FANCE: variants seen among roughly 807,000 people sequenced by gnomAD.
FANCE encodes the protein FA complementation group E.
Under a neutral mutation model 57.8 loss-of-function variants are expected in FANCE, and 42 were observed. The ratio of observed to expected loss-of-function variants is 0.73; its 90% CI spans 0.57 to 0.94. The LOEUF is 0.94. FANCE is among the 40% of genes least tolerant of loss of function. The pLI is 0.00. For missense variants in FANCE, 608 were observed against 661.8 expected, an observed-to-expected ratio of 0.92 and a Z score of 0.89; for synonymous variants, 251 against 286.4, an observed-to-expected ratio of 0.88 and a Z score of 1.25.
chr6:35,466,888 C>T lies in FANCE; in HGVS notation c.*543C>T, dbSNP rs948957380. On this transcript the variant is annotated 3_prime_UTR_variant, in exon 10 of 10. Coordinates refer to ENST00000229769, the MANE Select transcript of FANCE (RefSeq NM_021922.3). ...TTCCAAAGGCTGCTGGCCCCAGGCA[C>T]ACTCCTCATCAATTCTCAGGCTGCA... is the stretch of plus-strand genomic sequence containing the variant. 1.7e-5 allele frequency: 4 copies of T among 237,584 alleles called. No individual in the cohort carries two copies. The East Asian group carries it at 1.9e-4, about 12-fold the overall frequency. The allele number at this position is 237,584 out of a possible 1,614,324, so 14.7% of individuals were successfully genotyped here.
chr6:35,453,233 A>T (rs956212301), intron 1 of FANCE, among the ~76,000 whole-genome samples: 6 of 152,138 alleles, frequency 3.9e-5, no homozygotes, highest in African/African-American at 1.4e-4. Flanking sequence ...TTAAGGCAAG[A>T]TTGCTTTCTC....
At chr6:35,454,166 A>G (rs1173334826) in intron 1 of FANCE, among the ~76,000 whole-genome samples, 2 of 151,970 alleles carry the variant, frequency 1.3e-5, no homozygotes, top group Non-Finnish European at 1.5e-5. Context: ...AGAAGAAGCA[A>G]TTCTTCTGCC....
rs139600847 is a variant in FANCE, at chr6:35,457,944, C to A, written c.929C>A (p.Pro310Gln). Reference sequence around the variant, plus strand: ...TTAGAGGGATTGGAGGATGCCCCCCCAGTTGAGCTACAGCTTCTTCACGAA... The same window carrying A: ...TTAGAGGGATTGGAGGATGCCCCCCAAGTTGAGCTACAGCTTCTTCACGAA... ...EGLEGLEDAP[P>Q]VELQLLHECS... is the part of the protein sequence containing the mutation. Residue 310 changes from proline (P) to glutamine (Q), a missense_variant, in exon 4 of 10, where the codon CCA (proline) becomes CAA (glutamine). Physicochemically the swap from Pro to Gln is moderately conservative, Grantham distance 76. Coordinates refer to ENST00000229769, the MANE Select transcript of FANCE (RefSeq NM_021922.3). 1.7e-4 allele frequency: 267 copies of A among 1,614,184 alleles called. No homozygotes were observed. Among genetic ancestry groups the A allele is most frequent in the Middle Eastern group, 8.2e-4 (5 of 6,062 alleles).
In FANCE at chr6:35,466,604, A is replaced by G; in HGVS notation, c.*259A>G. 8.3e-6 allele frequency: 4 copies of G among 483,818 alleles called. No individual in the cohort carries two copies. The highest frequency in any genetic ancestry group is 4.1e-5 in the South Asian group (2 of 48,426). The allele number at this position is 483,818 out of a possible 1,614,324, so 30.0% of individuals were successfully genotyped here. On this transcript the variant is annotated 3_prime_UTR_variant, in exon 10 of 10. Transcript: ENST00000229769. ...TTTTGAGAGAAGGTATTGCTCTGTC[A>G]TCCAGGCTGGAGTGCAGTGATGCGA...
At chr6:35,458,511 G>T in intron 5 of FANCE, 71 bp downstream of exon 5, 1 of 1,571,506 alleles carries the variant, frequency 6.4e-7, no homozygotes. Context: ...CAGAAGGGTG[G>T]TACTTGAGAG....
At chr6:35,457,872 C>T in intron 3 of FANCE, 44 bp from the exon 4 acceptor site, 1 of 1,557,262 alleles carries the variant, frequency 6.4e-7, no homozygotes, top group Non-Finnish European at 8.9e-7. Flanking sequence ...AGTGACTTGT[C>T]ACTGAGGGCT....
Position 35,457,561 on chromosome 6 carries a change from G to A in FANCE, c.861G>A (p.Gln287=), listed in dbSNP as rs772248459. 38 of 1,613,740 alleles carry A rather than the reference G, an allele frequency of 2.4e-5. No individual in the cohort carries two copies. Among genetic ancestry groups the A allele is most frequent in the African/African-American group, 2.3e-4 (17 of 74,924 alleles). Residue 287 remains glutamine (Q), a synonymous_variant, in exon 3 of 10, where the codon CAG becomes CAA. Coordinates refer to ENST00000229769, the MANE Select transcript of FANCE (RefSeq NM_021922.3). ...SLELPKAIQD[Q]LPRLQQLLKT... The stretch of plus-strand genomic sequence containing the variant: ...GACTGGGCTCTCCTCCACAGGACCA[G>A]CTTCCCAGGCTGCAGCAGCTGCTGA...
In FANCE at chr6:35,461,176, G is replaced by A. The variant is rs45478097; in HGVS notation, c.1383+558G>A. Among the ~76,000 whole-genome samples, 349 of 152,254 alleles carry A rather than the reference G, an allele frequency of 2.3e-3. 3 individuals carry two copies. Among genetic ancestry groups the A allele is most frequent in the African/African-American group, 7.9e-3 (328 of 41,540 alleles). On this transcript the variant is annotated intron_variant, in intron 8 of 9. Coordinates refer to ENST00000229769, the MANE Select transcript of FANCE (RefSeq NM_021922.3). ...CACCCAAGTAACTGGGATTACAGGCGTGCGCCACCACACCGGCTAATTTTT... is the reference window on the plus strand; with the variant it reads ...CACCCAAGTAACTGGGATTACAGGCATGCGCCACCACACCGGCTAATTTTT...
At chr6:35,454,072 GT>G (rs60976228) in intron 1 of FANCE, among the ~76,000 whole-genome samples, 26 of 145,132 alleles carry the variant, frequency 1.8e-4, no homozygotes, top group South Asian at 4.3e-4. Flanking sequence ...TGTTTGTTTT[GT>G]TTTTTTTTTT....
chr6:35,455,663 C>A lies in FANCE; in HGVS notation c.249-84C>A, dbSNP rs1250870976. The A allele has an allele frequency of 3.9e-6, 6 of 1,548,652 alleles. No individual in the cohort carries two copies. In the African/African-American group the frequency reaches 6.8e-5, roughly 18 times the overall value. ...CGTGCCAGCCCCCATCTGTCCACCG[C>A]CATCTAGCCCCCAGCTCTGCCCAGT... On this transcript the variant is annotated intron_variant, in intron 1 of 9. Transcript: ENST00000229769.
At chr6:35,465,103 C>G (rs1248677330) in intron 9 of FANCE, among the ~76,000 whole-genome samples, 3 of 151,982 alleles carry the variant, frequency 2.0e-5, no homozygotes, top group Non-Finnish European at 4.4e-5. Context: ...AAGTAACTTG[C>G]CCAAGGTCAC....
At position 35,456,125 on chromosome 6, in the gene FANCE, C is replaced by G. The variant is rs149415553; in HGVS notation, c.627C>G (p.Ala209=). 1.9e-6 allele frequency: 3 copies of G among 1,614,002 alleles called. No homozygotes were observed. In the African/African-American group the frequency reaches 4.0e-5, roughly 22 times the overall value. The change falls in exon 2 of 10, where the codon GCC becomes GCG. Residue 209 remains alanine (A), a synonymous_variant. Coordinates refer to ENST00000229769, the MANE Select transcript of FANCE (RefSeq NM_021922.3). The surrounding 1 kb of genome is among the most constrained non-coding windows in gnomAD (Gnocchi z 4.3). Reference sequence around the variant, plus strand: ...GAAAGGACTCAGAGGAAGAGGCTGCCAGTCCTGAGGGGAAGAGGGTCCCCA... The same window carrying G: ...GAAAGGACTCAGAGGAAGAGGCTGCGAGTCCTGAGGGGAAGAGGGTCCCCA... ...KRRKDSEEEA[A]SPEGKRVPKR...
chr6:35,458,035 C>A (rs762124358), intron 4 of FANCE, 51 bp downstream of exon 4: 49 of 1,532,176 alleles, frequency 3.2e-5, no homozygotes, highest in Middle Eastern at 1.7e-4. Flanking sequence ...TGTCCCTTAT[C>A]TTTTTCTATT....
chr6:35,458,202 GC>G (rs1186130123), intron 4 of FANCE, 94 bp from the exon 5 acceptor site: 2 of 1,537,164 alleles, frequency 1.3e-6, no homozygotes, highest in Non-Finnish European at 1.8e-6. Flanking sequence ...GAGTATCTTT[GC>G]CCTGCTCTGT....
At chr6:35,460,428 T>C in intron 7 of FANCE, 124 bp from the exon 8 acceptor site, 3 of 947,834 alleles carry the variant, frequency 3.2e-6, no homozygotes, top group Non-Finnish European at 5.1e-6. Context: ...TGACTACCCC[T>C]TTGTTGGCTG....
intron 1 of FANCE, 120 bp from the exon 2 acceptor site, chr6:35,455,627 T>G: frequency 8.2e-7 from 1 of 1,226,246 alleles, no homozygotes; most frequent in East Asian, 2.3e-5. Context: ...CACTGACTCT[T>G]GCAGATACTG....
chr6:35,456,976 C>G lies in FANCE; in HGVS notation c.856-580C>G, dbSNP rs1355955054. ...TGGGTGGGAAGAATCATGACAGCAT[C>G]CAGTCTGCCCCTGCCTCCTAGTCTG... On this transcript the variant is annotated intron_variant, in intron 2 of 9. Coordinates refer to ENST00000229769, the MANE Select transcript of FANCE (RefSeq NM_021922.3). This position sits in a 1 kb window ranked among gnomAD's most constrained non-coding sequence, Gnocchi z 4.3. Among the ~76,000 whole-genome samples the G allele has an allele frequency of 1.3e-5, 2 of 152,206 alleles. No individual in the cohort carries two copies. Among genetic ancestry groups the G allele is most frequent in the African/African-American group, 4.8e-5 (2 of 41,454 alleles).
rs1767484001 is a variant in FANCE, at chr6:35,459,172, T to C, written c.1114-159T>C. Among the ~76,000 whole-genome samples the C allele has an allele frequency of 2.0e-5, 3 of 152,346 alleles. No individual in the cohort carries two copies. The South Asian group carries it at 6.2e-4, about 32-fold the overall frequency. On this transcript the variant is annotated intron_variant, in intron 5 of 9. Coordinates refer to ENST00000229769, the MANE Select transcript of FANCE (RefSeq NM_021922.3). ...ATTTGGGAACTGAGCAAGAGAGGTA[T>C]GTATCTTTTCCAATGGGTGGGTCCA...
At chr6:35,464,185 C>T (rs936853457) in intron 9 of FANCE, among the ~76,000 whole-genome samples, 23 of 150,068 alleles carry the variant, frequency 1.5e-4, no homozygotes, top group Non-Finnish European at 3.2e-4. Flanking sequence ...ATGTCTCAGT[C>T]ATGGTTCTTT....
Sources: allele counts gnomAD v4.1 joint callset (sites outside exome capture counted in the v4.1 genomes callset), GRCh38; gene constraint gnomAD v4.1.1; non-coding constraint Gnocchi (gnomAD v3.1); transcripts MANE v1.5; gene names NCBI Gene and HGNC (gene_info 2026-07-23, HGNC 2026-07-21).